RGS17: variants seen among roughly 807,000 people sequenced by gnomAD.
RGS17 encodes the protein regulator of G protein signaling 17.
A neutral mutation model predicts 25.5 loss-of-function variants in RGS17; 12 were observed. The ratio of observed to expected loss-of-function variants is 0.47; its 90% CI spans 0.30 to 0.76. The LOEUF (loss-of-function observed/expected upper bound fraction) is 0.76. Among genes scored for constraint, RGS17 ranks in the 30% least tolerant of loss-of-function variants. The pLI is 0.07. For synonymous variants in RGS17, 71 were observed against 76.9 expected (o/e 0.92, Z 0.40); for missense variants, 196 against 242.2 (o/e 0.81, Z 1.27).
intron 1 of RGS17, among the ~76,000 whole-genome samples, chr6:153,116,606 T>G (rs1777550182): frequency 6.6e-6 from 1 of 152,022 alleles, no homozygotes; most frequent in Non-Finnish European, 1.5e-5. Context: ...ATCATTTTAC[T>G]ATAAAGACAC....
At position 153,008,266 on chromosome 6, in the gene RGS17, A is replaced by G. The variant is rs1415148606; in HGVS notation, c.*3308T>C. On this transcript the variant is annotated 3_prime_UTR_variant, in exon 5 of 5. Transcript: ENST00000206262. ...CTAGGCAGCATTAAAGGATACTAAT[A>G]AACATCCATGCACTAAGACGGCATA... The G allele has an allele frequency of 1.3e-5, 2 of 152,186 alleles. No homozygotes were observed. Among genetic ancestry groups the G allele is most frequent in the African/African-American group, 2.4e-5 (1 of 41,458 alleles). The allele number at this position is 152,186 out of a possible 1,614,324, so 9.4% of individuals were successfully genotyped here.
At chr6:153,056,427 A>C (rs872371) in intron 1 of RGS17, among the ~76,000 whole-genome samples, 27,529 of 152,192 alleles carry the variant, frequency 0.18, 2,918 homozygotes, top group South Asian at 0.24. Context: ...GGATTAACGA[A>C]TAGAAGCAAT....
At chr6:153,077,991 A>G (rs985145379) in intron 1 of RGS17, among the ~76,000 whole-genome samples, 12 of 152,020 alleles carry the variant, frequency 7.9e-5, no homozygotes, top group African/African-American at 2.2e-4. Flanking sequence ...CTCCTGCCTC[A>G]GCCTCCCAAG....
intron 4 of RGS17, among the ~76,000 whole-genome samples, chr6:153,018,518 A>G (rs1329696921): frequency 1.3e-5 from 2 of 152,168 alleles, no homozygotes; most frequent in African/African-American, 4.8e-5. Context: ...AGCCAATGTA[A>G]AGTAATTAAT....
intron 2 of RGS17, among the ~76,000 whole-genome samples, chr6:153,037,183 C>T (rs868607173): frequency 1.4e-4 from 15 of 108,248 alleles, no homozygotes; most frequent in Middle Eastern, 8.1e-3. Flanking sequence ...CACACACACA[C>T]ACACACACAC....
intron 1 of RGS17, among the ~76,000 whole-genome samples, chr6:153,063,774 G>A (rs141209111): frequency 9.6e-4 from 146 of 152,236 alleles, no homozygotes; most frequent in Middle Eastern, 3.4e-3. Context: ...TTAACCCAAA[G>A]AAGATTATCG....
intron 1 of RGS17, among the ~76,000 whole-genome samples, chr6:153,067,139 A>T (rs1562325093): frequency 6.6e-6 from 1 of 152,274 alleles, no homozygotes; most frequent in Non-Finnish European, 1.5e-5. Context: ...ACCCTCAAAA[A>T]ACCGGGTATA....
intron 1 of RGS17, among the ~76,000 whole-genome samples, chr6:153,061,933 T>C (rs1289393188): frequency 6.6e-6 from 1 of 152,228 alleles, no homozygotes; most frequent in Non-Finnish European, 1.5e-5. Flanking sequence ...ACATTCTGTA[T>C]ATTCTGTCTT....
chr6:153,087,150 G>A (rs1011706665), intron 1 of RGS17, among the ~76,000 whole-genome samples: 15 of 41,258 alleles, frequency 3.6e-4, no homozygotes, highest in Admixed American at 8.5e-4. Context: ...GGGCGTGGTG[G>A]TGCACGCTTG....
At position 153,023,279 on chromosome 6, in the gene RGS17, G is replaced by C. The variant is rs769118979; in HGVS notation, c.444+983C>G. ...GACTGTAGCCCATAAATGTTCAGGTGCACAAGAGAGGGGCATGCCATTTAA... is the reference window on the plus strand; with the variant it reads ...GACTGTAGCCCATAAATGTTCAGGTCCACAAGAGAGGGGCATGCCATTTAA... On this transcript the variant is annotated intron_variant, in intron 4 of 4. Coordinates refer to ENST00000206262, the MANE Select transcript of RGS17 (RefSeq NM_012419.5). 7.4e-6 allele frequency: 3 copies of C among 406,844 alleles called. No individual in the cohort carries two copies. The East Asian group carries it at 2.1e-4, about 28-fold the overall frequency. 25.2% of individuals were successfully genotyped at this position (406,844 alleles called of 1,614,324 possible).
rs1319939288 is a variant in RGS17, at chr6:153,078,598, T to C, written c.-25-34555A>G. Among the ~76,000 whole-genome samples, 3 of 106,386 alleles carry C rather than the reference T, an allele frequency of 2.8e-5. No homozygotes were observed. The East Asian group carries it at 6.5e-4, about 23-fold the overall frequency. 69.8% of individuals were successfully genotyped at this position (106,386 alleles called of 152,430 possible). A position where few individuals can be genotyped will look rare whatever the true frequency, so the allele number is the denominator to read the frequency against. ...TTTAAAAGTTGGTGTCATAATTTTA[T>C]ATAGTAAAATAATACTTTATTAATG... On this transcript the variant is annotated intron_variant, in intron 1 of 4. Coordinates refer to ENST00000206262, the MANE Select transcript of RGS17 (RefSeq NM_012419.5).
At chr6:153,035,699 T>C (rs898687715) in intron 2 of RGS17, among the ~76,000 whole-genome samples, 1 of 152,162 alleles carries the variant, frequency 6.6e-6, no homozygotes, top group East Asian at 1.9e-4. Context: ...TTTGGAATGG[T>C]TGAATTTCAT....
chr6:153,083,857 G>A (rs1038173823), intron 1 of RGS17, among the ~76,000 whole-genome samples: 9 of 152,224 alleles, frequency 5.9e-5, no homozygotes, highest in Admixed American at 2.0e-4. Flanking sequence ...ATGAAAAACT[G>A]TAATACAGCT....
intron 1 of RGS17, among the ~76,000 whole-genome samples, chr6:153,129,480 T>C (rs995935598): frequency 2.6e-5 from 4 of 152,362 alleles, no homozygotes; most frequent in Admixed American, 6.5e-5. Flanking sequence ...ACGCAGCGTC[T>C]GGCAGTTGTG....
At chr6:153,049,457 T>A (rs907183874) in intron 1 of RGS17, among the ~76,000 whole-genome samples, 7 of 152,058 alleles carry the variant, frequency 4.6e-5, no homozygotes, top group African/African-American at 1.4e-4. Flanking sequence ...CCTAAATTAT[T>A]TTATAAATTC....
At position 153,018,630 on chromosome 6, in the gene RGS17, C is replaced by A. The variant is rs1003912550; in HGVS notation, c.444+5632G>T. Among the ~76,000 whole-genome samples, 5 of 152,340 alleles carry A rather than the reference C, an allele frequency of 3.3e-5. No homozygotes were observed. In the South Asian group the frequency reaches 1.0e-3, roughly 32 times the overall value. On this transcript the variant is annotated intron_variant, in intron 4 of 4. Coordinates refer to ENST00000206262, the MANE Select transcript of RGS17 (RefSeq NM_012419.5). ...TTCTCAGAATGACCTTACCTGACTA[C>A]TTCTATTCCATCTAATTCAATCTCC...
At position 153,007,499 on chromosome 6, in the gene RGS17, G is replaced by A. The variant is rs1393635618; in HGVS notation, c.*4075C>T. ...TCTTTACCATCTTTCAAAATAATTA[G>A]GCAATGTGTCAAGATCAAAGTATTC... On this transcript the variant is annotated 3_prime_UTR_variant, in exon 5 of 5. Coordinates refer to ENST00000206262, the MANE Select transcript of RGS17 (RefSeq NM_012419.5). The A allele has an allele frequency of 6.6e-6, 1 of 152,040 alleles. No homozygotes were observed. The highest frequency in any genetic ancestry group is 1.5e-5 in the Non-Finnish European group (1 of 68,000). 9.4% of individuals were successfully genotyped at this position (152,040 alleles called of 1,614,324 possible). A position where few individuals can be genotyped will look rare whatever the true frequency, so the allele number is the denominator to read the frequency against.
chr6:153,078,974 T>G (rs1776928501), intron 1 of RGS17, among the ~76,000 whole-genome samples: 1 of 152,200 alleles, frequency 6.6e-6, no homozygotes, highest in African/African-American at 2.4e-5. Context: ...AAACCATGTC[T>G]TCTATAAATA....
intron 4 of RGS17, among the ~76,000 whole-genome samples, chr6:153,017,267 A>G (rs2129105930): frequency 6.6e-6 from 1 of 152,148 alleles, no homozygotes; most frequent in East Asian, 1.9e-4. Context: ...AAAAGACACA[A>G]GTGACTTTGC....
Sources: gnomAD v4.1 joint callset for allele counts (sites outside exome capture counted in the v4.1 genomes callset) on GRCh38, gnomAD v4.1.1 for gene constraint, MANE v1.5 for transcripts, NCBI Gene and HGNC (gene_info 2026-07-23, HGNC 2026-07-21) for gene names.